Variants in NYAP2 observed in about 807,000 individuals in gnomAD.
The protein encoded by NYAP2 is neuronal tyrosine-phosphorylated phosphoinositide-3-kinase adaptor 2.
A neutral mutation model predicts 50.4 loss-of-function variants in NYAP2; 23 were observed. The observed-to-expected ratio is 0.46, with a 90% CI of 0.33 to 0.65. The LOEUF (loss-of-function observed/expected upper bound fraction) is 0.65, where lower values mean the gene tolerates loss of function less well. Ranked by LOEUF, NYAP2 falls within the 30% of genes least tolerant of loss-of-function variation. NYAP2 has a pLI of 0.02. For missense variants in NYAP2, 885 were observed against 861.0 expected (o/e 1.03, Z -0.35); for synonymous variants, 394 against 365.2 (o/e 1.08, Z -0.90).
intron 3 of NYAP2, among the ~76,000 whole-genome samples, chr2:225,445,148 A>C (rs1689532740): frequency 6.6e-6 from 1 of 152,120 alleles, no homozygotes; most frequent in Non-Finnish European, 1.5e-5. Context: ...ATATAATCAG[A>C]AGATGTTTCA....
At chr2:225,557,624 T>C (rs971069025) in intron 4 of NYAP2, among the ~76,000 whole-genome samples, 1 of 152,164 alleles carries the variant, frequency 6.6e-6, no homozygotes, top group East Asian at 1.9e-4. Context: ...AGGGAGAACC[T>C]TTCTAAATAA....
intron 5 of NYAP2, among the ~76,000 whole-genome samples, chr2:225,619,341 T>C (rs1483455877): frequency 6.6e-6 from 1 of 152,220 alleles, no homozygotes. Context: ...AGAATAGTGC[T>C]GCCAGTTTTA....
chr2:225,694,627 T>C, the NYAP2 span, among the ~76,000 whole-genome samples: 3 of 151,944 alleles, frequency 2.0e-5, no homozygotes, highest in African/African-American at 7.2e-5. Context: ...TCCCACAATA[T>C]AATTATATTC....
At chr2:225,674,058 T>G in the NYAP2 span, among the ~76,000 whole-genome samples, 1 of 152,124 alleles carries the variant, frequency 6.6e-6, no homozygotes, top group Non-Finnish European at 1.5e-5. Flanking sequence ...GCTTGGAGTC[T>G]GAAATCGCCT....
chr2:225,696,325 A>T, the NYAP2 span, among the ~76,000 whole-genome samples: 1 of 151,922 alleles, frequency 6.6e-6, no homozygotes, highest in African/African-American at 2.4e-5. Flanking sequence ...GAGCTCTTTG[A>T]ACATGCCTGG....
intron 4 of NYAP2, among the ~76,000 whole-genome samples, chr2:225,529,960 G>T (rs1426670920): frequency 1.3e-5 from 2 of 152,040 alleles, no homozygotes; most frequent in Admixed American, 6.5e-5. Flanking sequence ...ACCCACCTTG[G>T]CCTCCCAAAG....
At chr2:225,431,321 C>T (rs1695363149) in intron 3 of NYAP2, among the ~76,000 whole-genome samples, 1 of 152,220 alleles carries the variant, frequency 6.6e-6, no homozygotes, top group African/African-American at 2.4e-5. Flanking sequence ...AGACCGTTGG[C>T]ATTCTTTCAG....
Position 225,582,657 on chromosome 2 carries a change from C to A in NYAP2, c.1240C>A (p.Pro414Thr). 1 of 1,595,542 alleles carries A rather than the reference C, an allele frequency of 6.3e-7. No individual in the cohort carries two copies. Among genetic ancestry groups the A allele is most frequent in the South Asian group, 1.1e-5 (1 of 87,950 alleles). ...TGCCACCCCTGCGCTCTCCTCGTCGCCCCCACCCCCGTCTACGCTGTACCG... is the reference window on the plus strand; with the variant it reads ...TGCCACCCCTGCGCTCTCCTCGTCGACCCCACCCCCGTCTACGCTGTACCG... Residue 414 changes from proline (P) to threonine (T), a missense_variant, in exon 5 of 7, where the codon CCC becomes ACC. By Grantham distance (38) the Pro-to-Thr change is conservative (BLOSUM62 -1). Transcript: ENST00000636099. The surrounding 1 kb of genome is among the most constrained non-coding windows in gnomAD (Gnocchi z 7.0).
intron 5 of NYAP2, among the ~76,000 whole-genome samples, chr2:225,592,109 T>C (rs763692357): frequency 6.6e-6 from 1 of 152,146 alleles, no homozygotes; most frequent in Non-Finnish European, 1.5e-5. Flanking sequence ...GGATGTATGT[T>C]CAGGTTTCTT....
chr2:225,625,497 A>G (rs74666851), intron 5 of NYAP2, among the ~76,000 whole-genome samples: 353 of 152,248 alleles, frequency 2.3e-3, no homozygotes, highest in African/African-American at 8.2e-3. Flanking sequence ...AGAGTGGTGA[A>G]TGGGTGGGAG....
rs531480202 is a variant in NYAP2 at position 225,465,177 on chromosome 2, T to C, written c.222-48194T>C. ...GATGAGAAGTGGAGGACATATCGAC[T>C]TACCCTTTGGGCATGATTTTCTTTG... On this transcript the variant is annotated intron_variant, in intron 3 of 6. Coordinates refer to ENST00000636099, the Ensembl canonical transcript of NYAP2. Among the ~76,000 whole-genome samples, 3 of 152,284 alleles carry C rather than the reference T, an allele frequency of 2.0e-5. No homozygotes were observed. The South Asian group carries it at 6.2e-4, about 32-fold the overall frequency.
At chr2:225,420,554 C>T (rs970186258) in intron 3 of NYAP2, among the ~76,000 whole-genome samples, 4 of 151,798 alleles carry the variant, frequency 2.6e-5, no homozygotes, top group South Asian at 2.1e-4. Context: ...CAACAATAAC[C>T]GATAGCTGCT....
chr2:225,415,346 A>T (rs934879261), intron 3 of NYAP2, among the ~76,000 whole-genome samples: 4 of 152,166 alleles, frequency 2.6e-5, no homozygotes, highest in African/African-American at 7.2e-5. Context: ...AATAAAGAAA[A>T]TATTTGTTTT....
intron 3 of NYAP2, among the ~76,000 whole-genome samples, chr2:225,472,970 C>G (rs1443113979): frequency 2.6e-5 from 4 of 152,172 alleles, no homozygotes. Flanking sequence ...CCGCTTACCC[C>G]ACAACAGGCC....
chr2:225,636,657 GGACT>G (rs1384197994), intron 6 of NYAP2, among the ~76,000 whole-genome samples: 1 of 152,036 alleles, frequency 6.6e-6, no homozygotes, highest in Non-Finnish European at 1.5e-5. Context: ...CCTTGAATCT[GGACT>G]ACCCTTGAGT....
At chr2:225,423,181 TG>T (rs1164999859) in intron 3 of NYAP2, among the ~76,000 whole-genome samples, 1 of 152,154 alleles carries the variant, frequency 6.6e-6, no homozygotes, top group Non-Finnish European at 1.5e-5. Flanking sequence ...TGCAGTTATA[TG>T]ATTGCATTAA....
intron 4 of NYAP2, among the ~76,000 whole-genome samples, chr2:225,547,305 G>A (rs1691601765): frequency 6.6e-6 from 1 of 152,104 alleles, no homozygotes; most frequent in African/African-American, 2.4e-5. Context: ...GCACCCCCTT[G>A]GACACCCCGG....
At chr2:225,618,778 G>A (rs1413777705) in intron 5 of NYAP2, among the ~76,000 whole-genome samples, 5 of 152,328 alleles carry the variant, frequency 3.3e-5, no homozygotes, top group Middle Eastern at 3.4e-3. Context: ...ATTGGAACTT[G>A]GTTCTAAGGG....
intron 3 of NYAP2, among the ~76,000 whole-genome samples, chr2:225,510,826 AAGC>A (rs1433040122): frequency 6.6e-6 from 1 of 151,906 alleles, no homozygotes; most frequent in African/African-American, 2.4e-5. Context: ...ATATGAACCA[AAGC>A]AGATAGAGTT....
Sources: allele counts gnomAD v4.1 joint callset (sites outside exome capture counted in the v4.1 genomes callset), GRCh38; gene constraint gnomAD v4.1.1; non-coding constraint Gnocchi (gnomAD v3.1); transcripts MANE v1.5; gene names NCBI Gene and HGNC (gene_info 2026-07-23, HGNC 2026-07-21).